Variants in DMD observed in about 807,000 individuals in gnomAD.
The protein encoded by DMD is dystrophin, also known as mutant dystrophin.
DMD carries 63 observed loss-of-function variants against 330.1 expected under a neutral mutation model. The ratio of observed to expected loss-of-function variants is 0.19; its 90% CI spans 0.16 to 0.24. The LOEUF is 0.24. Among genes scored for constraint, DMD ranks in the 10% least tolerant of loss-of-function variants. The pLI is 1.00. For missense variants in DMD, 3,344 were observed against 2,684.1 expected, an observed-to-expected ratio of 1.25 and a Z score of -5.43; for synonymous variants, 1,223 against 959.8, an observed-to-expected ratio of 1.27 and a Z score of -5.07.
At chrX:32,176,964 T>TTTTCCCA (rs1379504397) in intron 44 of DMD, among the ~76,000 whole-genome samples, 2 of 111,566 alleles carry the variant, frequency 1.8e-5, no homozygotes, top group African/African-American at 6.5e-5. Context: ...TCACTTATTA[T>TTTTCCCA]TTTCCCATTT....
intron 44 of DMD, among the ~76,000 whole-genome samples, chrX:32,183,257 A>G (rs1187027919): frequency 9.0e-6 from 1 of 111,070 alleles, no homozygotes; most frequent in Non-Finnish European, 1.9e-5. Context: ...GAAGCCTTTA[A>G]GACTTGGATG....
At chrX:32,349,200 T>G (rs919842293) in intron 37 of DMD, among the ~76,000 whole-genome samples, 2 of 111,494 alleles carry the variant, frequency 1.8e-5, no homozygotes, top group Admixed American at 9.6e-5. Flanking sequence ...CTAAGAAAAC[T>G]TTAAAATCTC....
chrX:31,648,025 G>A (rs1172513463), intron 54 of DMD, among the ~76,000 whole-genome samples: 8 of 112,003 alleles, frequency 7.1e-5, no homozygotes, highest in African/African-American at 2.6e-4. Context: ...TTTCCCCCAT[G>A]TTTTTTATTG....
At chrX:32,368,620 C>A (rs2097862390) in intron 34 of DMD, among the ~76,000 whole-genome samples, 1 of 111,871 alleles carries the variant, frequency 8.9e-6, no homozygotes, top group African/African-American at 3.2e-5. Context: ...GGAGAACCAA[C>A]CTAGAGCTAT....
At chrX:32,733,060 G>T (rs1482487235) in intron 7 of DMD, among the ~76,000 whole-genome samples, 3 of 108,641 alleles carry the variant, frequency 2.8e-5, no homozygotes, top group Non-Finnish European at 5.7e-5. Flanking sequence ...ATAAAAGGAT[G>T]GAGGAAGATC....
chrX:33,125,023 TAAAAAAAAA>T (rs59232009), intron 1 of DMD, among the ~76,000 whole-genome samples: 693 of 27,897 alleles, frequency 0.025, 12 homozygotes, highest in African/African-American at 0.08. Flanking sequence ...AAAGTCCATC[TAAAAAAAAA>T]AAAAAAAAAA....
chrX:32,287,543 G>A lies in DMD; in HGVS notation c.6276C>T (p.Tyr2092=). 1 of 1,210,310 alleles carries A rather than the reference G, an allele frequency of 8.3e-7. No individual in the cohort carries two copies. The highest frequency in any genetic ancestry group is 1.1e-6 in the Non-Finnish European group (1 of 894,705). Residue 2092 remains tyrosine, a synonymous_variant, in exon 43 of 79, where the codon TAC becomes TAT. Coordinates refer to ENST00000357033, the MANE Select transcript of DMD (RefSeq NM_004006.3). ...GTGTTACCTACCCTTGTCGGTCCTTGTACATTTTGTTAACTTTTTCCCATT... is the reference window on the plus strand; with the variant it reads ...GTGTTACCTACCCTTGTCGGTCCTTATACATTTTGTTAACTTTTTCCCATT... ...DFQWEKVNKM[Y]KDRQGRFDRS...
intron 44 of DMD, among the ~76,000 whole-genome samples, chrX:31,981,622 T>C (rs115872861): frequency 0.01 from 1,148 of 111,409 alleles, 21 homozygotes; most frequent in African/African-American, 0.035. Context: ...GGTTCACTGA[T>C]TGGGGCAGAA....
At position 32,302,362 on chromosome X, in the gene DMD, C is replaced by T. The variant is rs955722432; in HGVS notation, c.6117+7720G>A. ...AATGCATTTCCGCATACAAAATTCT[C>T]AACTTACAATGGGTTTATCTGGATA... On this transcript the variant is annotated intron_variant, in intron 42 of 78. Transcript: ENST00000357033. 4.5e-5 allele frequency among the ~76,000 whole-genome samples: 5 copies of T among 111,202 alleles called. No individual in the cohort carries two copies. In the East Asian group the frequency reaches 1.4e-3, roughly 31 times the overall value.
chrX:33,124,745 C>T (rs1393556896), intron 1 of DMD, among the ~76,000 whole-genome samples: 1 of 109,959 alleles, frequency 9.1e-6, no homozygotes, highest in Non-Finnish European at 1.9e-5. Flanking sequence ...GATTTATTGG[C>T]TGGGTGCGGT....
Position 32,518,107 on chromosome X carries a change from A to C in DMD, c.2193T>G (p.Leu731=), listed in dbSNP as rs370979984. ...CTTCTGAGCGAGTAATCCAGCTGTG[A>C]AGTTCAGTTATATCAACATCCAACC... ...RKRLDVDITE[L]HSWITRSEAV... The change falls in exon 18 of 79, where the codon CTT becomes CTG. Residue 731 remains leucine, a synonymous_variant. Transcript: ENST00000357033. The C allele has an allele frequency of 1.7e-6, 2 of 1,208,382 alleles. No homozygotes were observed. The highest frequency in any genetic ancestry group is 2.2e-6 in the Non-Finnish European group (2 of 893,849).
At position 31,166,462 on chromosome X, in the gene DMD, C is replaced by A. The variant is rs750073974; in HGVS notation, c.10553+2981G>T. ...GATCAATAAGTACACATCCAAAGGA[C>A]TTGGGGCAATCTCAATTTTAAATAT... is the stretch of plus-strand genomic sequence containing the variant. On this transcript the variant is annotated intron_variant, in intron 74 of 78. Transcript: ENST00000357033. Among the ~76,000 whole-genome samples, 7 of 111,670 alleles carry A rather than the reference C, an allele frequency of 6.3e-5. No individual in the cohort carries two copies. In the East Asian group the frequency reaches 1.7e-3, roughly 27 times the overall value.
At chrX:32,083,272 C>CT (rs56029341) in intron 44 of DMD, among the ~76,000 whole-genome samples, 52,318 of 102,780 alleles carry the variant, frequency 0.51, 11,081 homozygotes, top group African/African-American at 0.74. Context: ...AATAAAAAAT[C>CT]TTTTTTTTTT....
intron 49 of DMD, 30 bp from the exon 50 acceptor site, chrX:31,820,113 T>C: frequency 9.3e-7 from 1 of 1,074,282 alleles, no homozygotes. Context: ...ACATTACTTA[T>C]TCGATTAACA....
chrX:33,126,425 G>T (rs2095465283), intron 1 of DMD, among the ~76,000 whole-genome samples: 1 of 111,204 alleles, frequency 9.0e-6, no homozygotes, highest in African/African-American at 3.3e-5. Flanking sequence ...AGAGGTTGGG[G>T]CCCCACTTCA....
chrX:31,918,673 G>A lies in DMD; in HGVS notation c.6912+10923C>T, dbSNP rs765842345. Among the ~76,000 whole-genome samples, 15 of 107,797 alleles carry A rather than the reference G, an allele frequency of 1.4e-4. No individual in the cohort carries two copies. In the South Asian group the frequency reaches 4.9e-3, roughly 35 times the overall value. 93.6% of individuals were successfully genotyped at this position (107,797 alleles called of 115,157 possible). A position where few individuals can be genotyped will look rare whatever the true frequency, so the allele number is the denominator to read the frequency against. On this transcript the variant is annotated intron_variant, in intron 47 of 78. Coordinates refer to ENST00000357033, the MANE Select transcript of DMD (RefSeq NM_004006.3). ...GTTTGTTTGAGACAGAGTCTCACTC[G>A]GTTGCCCAGGCTGGAATGCAGTGGC...
intron 2 of DMD, among the ~76,000 whole-genome samples, chrX:32,899,236 T>A (rs1292251456): frequency 8.9e-6 from 1 of 112,420 alleles, no homozygotes; most frequent in Non-Finnish European, 1.9e-5. Context: ...GATCTTTGCT[T>A]CACCTATTTC....
chrX:32,644,877 G>A, intron 10 of DMD, 87 bp downstream of exon 10: 1 of 1,060,636 alleles, frequency 9.4e-7, no homozygotes, highest in South Asian at 1.9e-5. Context: ...AAAATACAAG[G>A]ATGTAAGAGA....
At chrX:31,788,990 A>G (rs1444041043) in intron 50 of DMD, among the ~76,000 whole-genome samples, 2 of 110,946 alleles carry the variant, frequency 1.8e-5, no homozygotes, top group Non-Finnish European at 3.8e-5. Context: ...TGAGTCTCTT[A>G]TGGGCAGCAT....
Sources: allele counts gnomAD v4.1 joint callset (sites outside exome capture counted in the v4.1 genomes callset), GRCh38; gene constraint gnomAD v4.1.1; transcripts MANE v1.5; gene names NCBI Gene and HGNC (gene_info 2026-07-23, HGNC 2026-07-21).